The following ERC2 variants were observed in gnomAD, a reference collection of about 807,000 sequenced individuals.
ERC2 encodes ERC protein 2.
In ERC2, 42 loss-of-function variants were observed where a neutral mutation model predicts 114.8. That is an observed-to-expected ratio of 0.37 (90% CI 0.29 to 0.47). The LOEUF (loss-of-function observed/expected upper bound fraction) is 0.47. Ranked by LOEUF, ERC2 falls within the 20% of genes least tolerant of loss-of-function variation. The pLI is 0.99. For synonymous variants in ERC2, 454 were observed against 425.5 expected (o/e 1.07, Z -0.82); for missense variants, 939 against 1,150.7 (o/e 0.82, Z 2.66).
At chr3:56,384,805 T>G (rs1277033355) in intron 2 of ERC2, among the ~76,000 whole-genome samples, 1 of 152,162 alleles carries the variant, frequency 6.6e-6, no homozygotes, top group Admixed American at 6.5e-5. Flanking sequence ...TTGTAAATGT[T>G]TTATGGTTTC....
intron 17 of ERC2, among the ~76,000 whole-genome samples, chr3:55,637,016 G>A (rs551216846): frequency 6.6e-6 from 1 of 152,278 alleles, no homozygotes; most frequent in Admixed American, 6.5e-5. Context: ...GACCTGTTGT[G>A]GTCTCACAGG....
intron 17 of ERC2, among the ~76,000 whole-genome samples, chr3:55,673,805 T>C (rs1431424361): frequency 1.2e-3 from 1 of 830 alleles, no homozygotes; most frequent in Non-Finnish European, 5.7e-3. Flanking sequence ...AATTACCAAG[T>C]TTTTTTTTTT....
At chr3:55,954,683 G>C (rs1352683683) in intron 12 of ERC2, among the ~76,000 whole-genome samples, 1 of 152,182 alleles carries the variant, frequency 6.6e-6, no homozygotes, top group East Asian at 1.9e-4. Flanking sequence ...TTGTTGGAAA[G>C]AATGCAGGAA....
chr3:56,377,818 A>G (rs915567347), intron 2 of ERC2, among the ~76,000 whole-genome samples: 8 of 151,956 alleles, frequency 5.3e-5, no homozygotes, highest in Non-Finnish European at 1.2e-4. Context: ...AGTAGTTCCA[A>G]TTCAGCCTAG....
At chr3:55,759,444 G>T in intron 14 of ERC2, among the ~76,000 whole-genome samples, 1 of 117,152 alleles carries the variant, frequency 8.5e-6, no homozygotes, top group African/African-American at 3.4e-5. Context: ...CAGCTGGGAC[G>T]TTTTAAGTCT....
chr3:56,261,197 A>T (rs1396845435), intron 3 of ERC2, among the ~76,000 whole-genome samples: 2 of 152,164 alleles, frequency 1.3e-5, no homozygotes, highest in African/African-American at 4.8e-5. Context: ...TTCAAGTCTC[A>T]GCTTAAACAC....
chr3:55,923,158 C>A (rs576767208), intron 13 of ERC2, among the ~76,000 whole-genome samples: 150 of 152,146 alleles, frequency 9.9e-4, no homozygotes, highest in African/African-American at 3.5e-3. Context: ...AATGAATAAA[C>A]AAAATGTGAT....
intron 10 of ERC2, among the ~76,000 whole-genome samples, chr3:55,995,042 T>C (rs573592673): frequency 6.6e-6 from 1 of 152,134 alleles, no homozygotes; most frequent in African/African-American, 2.4e-5. Flanking sequence ...TTAAAATAAA[T>C]AGACAACCTC....
At chr3:55,943,912 A>T (rs2066969031) in intron 13 of ERC2, among the ~76,000 whole-genome samples, 1 of 152,178 alleles carries the variant, frequency 6.6e-6, no homozygotes, top group Admixed American at 6.5e-5. Flanking sequence ...AACTGAGCAT[A>T]GCATTTCTTT....
At chr3:56,075,445 A>G (rs563481677) in intron 7 of ERC2, among the ~76,000 whole-genome samples, 70 of 152,234 alleles carry the variant, frequency 4.6e-4, no homozygotes, top group African/African-American at 1.6e-3. Context: ...ATCATCCCCA[A>G]TCTGGTTCTA....
rs929934989 is a variant in ERC2, at chr3:56,463,752, T to C, written c.-141+4496A>G. Among the ~76,000 whole-genome samples, 16 of 152,252 alleles carry C rather than the reference T, an allele frequency of 1.1e-4. No individual in the cohort carries two copies. In the South Asian group the frequency reaches 1.9e-3, roughly 18 times the overall value. Reference sequence around the variant, plus strand: ...ATCCATGTGTGCCCCTACATTTTTATGGTATCCATTGCTCTATCTGCATCT... The same window carrying C: ...ATCCATGTGTGCCCCTACATTTTTACGGTATCCATTGCTCTATCTGCATCT... On this transcript the variant is annotated intron_variant, in intron 1 of 17. Transcript: ENST00000288221.
Position 56,366,885 on chromosome 3 carries a change from T to C in ERC2, c.657+67466A>G, listed in dbSNP as rs372408574. 1.3e-3 allele frequency among the ~76,000 whole-genome samples: 205 copies of C among 152,340 alleles called. 5 individuals carry two copies. In the South Asian group the frequency reaches 0.029, roughly 21 times the overall value. On this transcript the variant is annotated intron_variant, in intron 2 of 17. Coordinates refer to ENST00000288221, the MANE Select transcript of ERC2 (RefSeq NM_015576.3). ...GGATTCTCCTTCCATCTCTATTTTC[T>C]GTCCTGAGAGCTTGGCTCTAATCCA...
chr3:56,330,294 C>A (rs1366378866), intron 2 of ERC2, among the ~76,000 whole-genome samples: 5 of 152,178 alleles, frequency 3.3e-5, no homozygotes, highest in African/African-American at 2.4e-5. Context: ...CTGCCTCAGC[C>A]TCCCAAAGTG....
At chr3:56,214,180 C>A (rs1422286455) in intron 3 of ERC2, among the ~76,000 whole-genome samples, 1 of 152,102 alleles carries the variant, frequency 6.6e-6, no homozygotes, top group Non-Finnish European at 1.5e-5. Context: ...AGGCTTCAGA[C>A]AATCAAACTT....
chr3:55,869,181 T>C (rs1261349705), intron 14 of ERC2, among the ~76,000 whole-genome samples: 2 of 152,124 alleles, frequency 1.3e-5, no homozygotes, highest in African/African-American at 2.4e-5. Context: ...CTTGGGTTAG[T>C]AGCCAGCTTT....
At chr3:56,168,761 G>A (rs1246817922) in intron 4 of ERC2, among the ~76,000 whole-genome samples, 1 of 152,168 alleles carries the variant, frequency 6.6e-6, no homozygotes, top group East Asian at 1.9e-4. Flanking sequence ...CCCAGCTGCA[G>A]GTCAGCTCCA....
chr3:55,707,187 A>G (rs565472378), intron 15 of ERC2, among the ~76,000 whole-genome samples: 1 of 152,238 alleles, frequency 6.6e-6, no homozygotes, highest in African/African-American at 2.4e-5. Context: ...AAATCTCAGC[A>G]CTTTGGGAGG....
intron 2 of ERC2, among the ~76,000 whole-genome samples, chr3:56,382,885 T>C (rs2059803158): frequency 6.6e-6 from 1 of 152,164 alleles, no homozygotes; most frequent in South Asian, 2.1e-4. Flanking sequence ...GTCTAATAGA[T>C]ACCCCAAGGT....
intron 14 of ERC2, among the ~76,000 whole-genome samples, chr3:55,823,024 C>T (rs1575720890): frequency 1.3e-5 from 2 of 152,192 alleles, no homozygotes; most frequent in African/African-American, 4.8e-5. Context: ...CTGGGCTAAA[C>T]TAATGAGGTC....
Sources: gnomAD v4.1 joint callset for allele counts (sites outside exome capture counted in the v4.1 genomes callset) on GRCh38, gnomAD v4.1.1 for gene constraint, MANE v1.5 for transcripts, NCBI Gene and HGNC (gene_info 2026-07-23, HGNC 2026-07-21) for gene names.